Variants in HDAC4 observed in about 807,000 individuals in gnomAD.
HDAC4 encodes the protein histone deacetylase 4.
HDAC4 carries 16 observed loss-of-function variants against 135.1 expected under a neutral mutation model. The observed-to-expected ratio is 0.12, with a 90% confidence interval of 0.08 to 0.18. The LOEUF is 0.18. HDAC4 is among the 10% of genes least tolerant of loss of function. The pLI is 1.00. For missense variants in HDAC4, 1,143 were observed against 1,511.8 expected (o/e 0.76, Z 4.05); for synonymous variants, 685 against 653.4 (o/e 1.05, Z -0.74).
chr2:239,182,597 G>A (rs1185621526), intron 4 of HDAC4, among the ~76,000 whole-genome samples: 2 of 151,818 alleles, frequency 1.3e-5, no homozygotes, highest in African/African-American at 2.4e-5. Flanking sequence ...GTGTGATCTC[G>A]GCTTCGCTAC....
chr2:239,088,959 A>T (rs1048883875), intron 18 of HDAC4, among the ~76,000 whole-genome samples: 3 of 152,156 alleles, frequency 2.0e-5, no homozygotes, highest in African/African-American at 7.2e-5. Context: ...TTTCCAAATG[A>T]CCAACGCACG....
intron 16 of HDAC4, among the ~76,000 whole-genome samples, chr2:239,097,716 G>C (rs2037237464): frequency 6.6e-6 from 1 of 152,358 alleles, no homozygotes; most frequent in Non-Finnish European, 1.5e-5. Flanking sequence ...GACTGAAAAA[G>C]GAGGAGGGCG....
rs749692194 is a variant in HDAC4, at chr2:239,109,280, G to A, written c.1979-1097C>T. On this transcript the variant is annotated intron_variant, in intron 14 of 26. Coordinates refer to ENST00000543185, the MANE Select transcript of HDAC4 (RefSeq NM_001378414.1). ...ACCTGTGCTAATGTGGGTTCATCCA[G>A]GCTGATAAGGGCGGGGCGCACGGTG... Among the ~76,000 whole-genome samples, 22 of 152,240 alleles carry A rather than the reference G, an allele frequency of 1.4e-4. 1 individual carries two copies. The highest frequency in any genetic ancestry group is 8.5e-4 in the Admixed American group (13 of 15,290).
At chr2:239,157,556 C>T (rs1269706722) in intron 6 of HDAC4, among the ~76,000 whole-genome samples, 3 of 152,210 alleles carry the variant, frequency 2.0e-5, no homozygotes, top group African/African-American at 4.8e-5. Context: ...GGCTGCCACC[C>T]GGATGACCAT....
In HDAC4 at chr2:239,137,647, C is replaced by T. The variant is rs988531154; in HGVS notation, c.978+2037G>A. On this transcript the variant is annotated intron_variant, in intron 9 of 26. Transcript: ENST00000543185. ...CCTGCTCCCCCCACATCCTCATCCA[C>T]TCGAGACACCCCCTCTGACGGGCAA... Among the ~76,000 whole-genome samples, 5 of 152,332 alleles carry T rather than the reference C, an allele frequency of 3.3e-5. No individual in the cohort carries two copies. The South Asian group carries it at 8.3e-4, about 25-fold the overall frequency.
At chr2:239,344,875 T>A (rs911706451) in intron 2 of HDAC4, among the ~76,000 whole-genome samples, 7 of 152,138 alleles carry the variant, frequency 4.6e-5, no homozygotes, top group Non-Finnish European at 1.0e-4. Flanking sequence ...GTAGGGCTGG[T>A]CTACTCTCCC....
chr2:239,075,223 CAAAAAAAAAAAAAAAAAA>C (rs67188784), intron 22 of HDAC4, among the ~76,000 whole-genome samples: 2 of 31,748 alleles, frequency 6.3e-5, no homozygotes, highest in Non-Finnish European at 1.2e-4. Flanking sequence ...GACTCCGTCT[CAAAAAAAAAAAAAAAAAA>C]AAAAAAAAAA....
chr2:239,138,480 AT>A (rs1243540956), intron 9 of HDAC4, among the ~76,000 whole-genome samples: 7 of 152,244 alleles, frequency 4.6e-5, no homozygotes, highest in African/African-American at 1.7e-4. Context: ...TATTTAATAA[AT>A]TATAGCCTTC....
chr2:239,161,766 C>A, intron 6 of HDAC4: 1 of 424,550 alleles, frequency 2.4e-6, no homozygotes, highest in Non-Finnish European at 4.7e-6. Flanking sequence ...CCAGCTCACC[C>A]AGGGAGTTCC....
chr2:239,343,964 A>G (rs939089509), intron 2 of HDAC4, among the ~76,000 whole-genome samples: 7 of 152,248 alleles, frequency 4.6e-5, no homozygotes, highest in Admixed American at 2.0e-4. Context: ...AGCAGCAAGC[A>G]AAACTCAGAA....
At chr2:239,268,889 A>G (rs903558837) in intron 2 of HDAC4, among the ~76,000 whole-genome samples, 3 of 152,208 alleles carry the variant, frequency 2.0e-5, no homozygotes, top group African/African-American at 7.2e-5. Flanking sequence ...CACAAAATGG[A>G]AAGAAACAAA....
chr2:239,203,564 T>C (rs2045883082), intron 3 of HDAC4, among the ~76,000 whole-genome samples: 1 of 152,172 alleles, frequency 6.6e-6, no homozygotes, highest in Non-Finnish European at 1.5e-5. Context: ...TGAAACAGAC[T>C]TGGGTTCTAA....
At chr2:239,122,981 C>A (rs77360328) in intron 12 of HDAC4, among the ~76,000 whole-genome samples, 5 of 151,940 alleles carry the variant, frequency 3.3e-5, no homozygotes, top group Admixed American at 6.5e-5. Flanking sequence ...CAGTGTTAGG[C>A]GGCCCTGGGC....
rs2052967180 is a variant in HDAC4 at position 239,313,156 on chromosome 2, T to C, written c.22+39522A>G. On this transcript the variant is annotated intron_variant, in intron 2 of 26. Coordinates refer to ENST00000543185, the MANE Select transcript of HDAC4 (RefSeq NM_001378414.1). The surrounding 1 kb of genome is among the most constrained non-coding windows in gnomAD (Gnocchi z 5.1). ...TGGCGGAGGAGGAAGCTGCAGCCCG[T>C]TATCCACCGCCCAGTCTCTCCCTCT... 6.6e-6 allele frequency among the ~76,000 whole-genome samples: 1 copy of C among 152,188 alleles called. No homozygotes were observed. The highest frequency in any genetic ancestry group is 1.5e-5 in the Non-Finnish European group (1 of 68,038).
At chr2:239,395,600 TA>T (rs1216216656) in intron 1 of HDAC4, among the ~76,000 whole-genome samples, 1 of 152,156 alleles carries the variant, frequency 6.6e-6, no homozygotes, top group Non-Finnish European at 1.5e-5. Context: ...CCACCATGTA[TA>T]AAAGAAAAGT....
chr2:239,401,275 C>G (rs1244467261), upstream of HDAC4: 1 of 152,312 alleles, frequency 6.6e-6, no homozygotes, highest in Non-Finnish European at 1.5e-5. Context: ...CCTCGCCCAG[C>G]GGCTGCTCAA....
rs533858351 is a variant in HDAC4 at position 239,191,924 on chromosome 2, C to T, written c.95-1847G>A. On this transcript the variant is annotated intron_variant, in intron 3 of 26. Transcript: ENST00000543185. ...GAATATATCTGATCACATTCCACAG[C>T]GCAGCACGGGCTGCCTCGTTGTTAT... is the stretch of plus-strand genomic sequence containing the variant. Among the ~76,000 whole-genome samples, 11 of 152,344 alleles carry T rather than the reference C, an allele frequency of 7.2e-5. No homozygotes were observed. In the East Asian group the frequency reaches 7.7e-4, roughly 11 times the overall value.
intron 5 of HDAC4, among the ~76,000 whole-genome samples, chr2:239,171,076 T>C (rs561280627): frequency 6.6e-6 from 1 of 150,892 alleles, no homozygotes; most frequent in East Asian, 2.0e-4. Flanking sequence ...TCGAAAAGAA[T>C]GTGTCACCAT....
chr2:239,148,835 C>T (rs2041927344), intron 7 of HDAC4, among the ~76,000 whole-genome samples: 1 of 152,210 alleles, frequency 6.6e-6, no homozygotes, highest in Admixed American at 6.5e-5. Context: ...CACCAGGCGG[C>T]CTGCTGTGCA....
Sources: gnomAD v4.1 joint callset for allele counts (sites outside exome capture counted in the v4.1 genomes callset) on GRCh38, gnomAD v4.1.1 for gene constraint, Gnocchi (gnomAD v3.1) non-coding constraint, MANE v1.5 for transcripts, NCBI Gene and HGNC (gene_info 2026-07-23, HGNC 2026-07-21) for gene names.